FGD4: variants seen among roughly 807,000 people sequenced by gnomAD.
FGD4 encodes the protein FYVE, RhoGEF and PH domain-containing protein 4.
Under a neutral mutation model 102.0 loss-of-function variants are expected in FGD4, and 42 were observed. The observed-to-expected ratio is 0.41, with a 90% CI of 0.32 to 0.53. The LOEUF is 0.53. FGD4 is among the 20% of genes least tolerant of loss of function. FGD4 has a pLI of 0.21. For synonymous variants in FGD4, 380 were observed against 375.7 expected (o/e 1.01, Z -0.13); for missense variants, 902 against 1,078.2 (o/e 0.84, Z 2.29).
chr12:32,549,416 T>C (rs1592181346), intron 1 of FGD4, among the ~76,000 whole-genome samples: 1 of 152,278 alleles, frequency 6.6e-6, no homozygotes, highest in Non-Finnish European at 1.5e-5. Context: ...AGGATCTTAT[T>C]GAGTGCTTCC....
At position 32,640,828 on chromosome 12, in the gene FGD4, G is replaced by A. The variant is rs1448256775; in HGVS notation, c.*295G>A. ...TATCAATTGATTCTGTCACCGTCAG[G>A]TTAGAATGAGCACTTCCATTTAAGA... On this transcript the variant is annotated 3_prime_UTR_variant, in exon 17 of 17. Coordinates refer to ENST00000534526, the MANE Select transcript of FGD4 (RefSeq NM_001370298.3). 5.1e-6 allele frequency: 3 copies of A among 586,576 alleles called. No homozygotes were observed. The highest frequency in any genetic ancestry group is 9.1e-6 in the Non-Finnish European group (3 of 331,238). The allele number at this position is 586,576 out of a possible 1,614,324, so 36.3% of individuals were successfully genotyped here. A position where few individuals can be genotyped will look rare whatever the true frequency, so the allele number is the denominator to read the frequency against.
At chr12:32,619,492 C>T (rs1485930324) in intron 10 of FGD4, among the ~76,000 whole-genome samples, 3 of 151,722 alleles carry the variant, frequency 2.0e-5, no homozygotes, top group African/African-American at 4.8e-5. Flanking sequence ...ATTAGCCGGA[C>T]GTGGTGGCGG....
intron 2 of FGD4, among the ~76,000 whole-genome samples, chr12:32,564,557 A>G (rs148972057): frequency 6.6e-6 from 1 of 152,320 alleles, no homozygotes; most frequent in East Asian, 1.9e-4. Flanking sequence ...TGATCTCTTT[A>G]TTATGCCTGA....
chr12:32,413,509 C>T (rs1219926115), intron 1 of FGD4, among the ~76,000 whole-genome samples: 2 of 151,990 alleles, frequency 1.3e-5, no homozygotes, highest in African/African-American at 2.4e-5. Flanking sequence ...ATTTTAATAC[C>T]ACTGTTGTGT....
intron 5 of FGD4, chr12:32,600,570 T>C (rs1249102369): frequency 2.9e-6 from 1 of 339,266 alleles, no homozygotes; most frequent in Non-Finnish European, 4.2e-6. Context: ...TTTTTTGTTT[T>C]TCTTTCTTTC....
chr12:32,529,190 C>G (rs11052052), intron 1 of FGD4, among the ~76,000 whole-genome samples: 25 of 151,966 alleles, frequency 1.6e-4, no homozygotes, highest in African/African-American at 4.8e-4. Context: ...TCTTGGCTCA[C>G]TGCAACCTCC....
chr12:32,460,129 C>T (rs1943064028), intron 1 of FGD4, among the ~76,000 whole-genome samples: 1 of 152,184 alleles, frequency 6.6e-6, no homozygotes, highest in African/African-American at 2.4e-5. Context: ...CTTTACCTGA[C>T]ATTTTATCAT....
chr12:32,516,597 G>A (rs893285308), intron 1 of FGD4, among the ~76,000 whole-genome samples: 4 of 152,176 alleles, frequency 2.6e-5, no homozygotes, highest in South Asian at 2.1e-4. Context: ...TTACATTGAT[G>A]CATATGTAAA....
intron 1 of FGD4, among the ~76,000 whole-genome samples, chr12:32,436,114 T>C (rs1429179740): frequency 6.6e-6 from 1 of 152,222 alleles, no homozygotes; most frequent in East Asian, 1.9e-4. Context: ...AAGTTGTCAC[T>C]GGACACCGTG....
intron 4 of FGD4, among the ~76,000 whole-genome samples, chr12:32,596,059 G>T (rs915060798): frequency 6.6e-6 from 1 of 152,206 alleles, no homozygotes; most frequent in Non-Finnish European, 1.5e-5. Context: ...ACCTAAGTTA[G>T]ACACTGGCTT....
chr12:32,547,439 C>T (rs1193739392), intron 1 of FGD4, among the ~76,000 whole-genome samples: 4 of 152,098 alleles, frequency 2.6e-5, no homozygotes, highest in Admixed American at 1.3e-4. Flanking sequence ...ACAAAAAATA[C>T]ACACACATAC....
At chr12:32,401,840 T>C (rs1030449606) in intron 1 of FGD4, among the ~76,000 whole-genome samples, 5 of 149,960 alleles carry the variant, frequency 3.3e-5, no homozygotes, top group Admixed American at 1.3e-4. Flanking sequence ...GATTCTCCTG[T>C]CTCAGCCTCC....
chr12:32,453,632 C>T (rs1471979627), intron 1 of FGD4, among the ~76,000 whole-genome samples: 1 of 152,168 alleles, frequency 6.6e-6, no homozygotes, highest in African/African-American at 2.4e-5. Context: ...GGTGTTCAGA[C>T]AGATAATTAA....
At chr12:32,520,649 G>C (rs1940443520) in intron 1 of FGD4, among the ~76,000 whole-genome samples, 1 of 151,862 alleles carries the variant, frequency 6.6e-6, no homozygotes, top group Non-Finnish European at 1.5e-5. Context: ...TGTTAGCCAG[G>C]ATGGTCTCGA....
At chr12:32,488,643 T>C (rs1303378039) in intron 1 of FGD4, among the ~76,000 whole-genome samples, 3 of 152,114 alleles carry the variant, frequency 2.0e-5, no homozygotes, top group East Asian at 1.9e-4. Flanking sequence ...TATATGTTAA[T>C]GTTAAAAAAT....
At chr12:32,549,169 T>C (rs1205321432) in intron 1 of FGD4, among the ~76,000 whole-genome samples, 2 of 152,242 alleles carry the variant, frequency 1.3e-5, no homozygotes, top group African/African-American at 4.8e-5. Context: ...CCACTAGTAT[T>C]GTAAGTGTAC....
chr12:32,554,400 T>A (rs1292231124), intron 1 of FGD4, among the ~76,000 whole-genome samples: 1 of 152,194 alleles, frequency 6.6e-6, no homozygotes, highest in Non-Finnish European at 1.5e-5. Flanking sequence ...TTAGAAAACA[T>A]CTTTTATGAA....
At chr12:32,411,130 G>C (rs1447418393) in intron 1 of FGD4, among the ~76,000 whole-genome samples, 1 of 150,572 alleles carries the variant, frequency 6.6e-6, no homozygotes, top group Non-Finnish European at 1.5e-5. Context: ...GGTTTTACCA[G>C]GTTGGCCAGA....
chr12:32,478,679 T>C (rs1462321534), intron 1 of FGD4, among the ~76,000 whole-genome samples: 1 of 152,204 alleles, frequency 6.6e-6, no homozygotes, highest in Non-Finnish European at 1.5e-5. Context: ...CACACCTGAG[T>C]AGTTTGCAAG....
Sources: gnomAD v4.1 joint callset for allele counts (sites outside exome capture counted in the v4.1 genomes callset) on GRCh38, gnomAD v4.1.1 for gene constraint, MANE v1.5 for transcripts, NCBI Gene and HGNC (gene_info 2026-07-23, HGNC 2026-07-21) for gene names.